Variants in AK8 observed in about 807,000 individuals in gnomAD.
AK8 encodes adenylate kinase 8.
Under a neutral mutation model 54.6 loss-of-function variants are expected in AK8, and 44 were observed. That is an observed-to-expected ratio of 0.81 (90% CI 0.63 to 1.04). The LOEUF is 1.04. Ranked by LOEUF, AK8 falls within the 50% of genes least tolerant of loss-of-function variation. The pLI is 0.00. For missense variants in AK8, 555 were observed against 613.6 expected (o/e 0.90, Z 1.01); for synonymous variants, 239 against 245.6 (o/e 0.97, Z 0.25).
At chr9:132,872,402 ACAGTAGAAAATGT>A (rs1843885956) in intron 2 of AK8, among the ~76,000 whole-genome samples, 1 of 152,254 alleles carries the variant, frequency 6.6e-6, no homozygotes, top group Non-Finnish European at 1.5e-5. Context: ...TTTCAAACTA[ACAGTAGAAAATGT>A]CAGTGCAACC....
chr9:132,864,775 G>A (rs1330327719), intron 3 of AK8, among the ~76,000 whole-genome samples: 1 of 152,198 alleles, frequency 6.6e-6, no homozygotes, highest in East Asian at 1.9e-4. Context: ...GCAGGTCTCT[G>A]CGTTCTGAAT....
At chr9:132,737,307 G>T (rs542833029) in intron 11 of AK8, among the ~76,000 whole-genome samples, 1 of 152,220 alleles carries the variant, frequency 6.6e-6, no homozygotes, top group East Asian at 1.9e-4. Flanking sequence ...TGAACCATAT[G>T]ACAGTATTAA....
intron 11 of AK8, among the ~76,000 whole-genome samples, chr9:132,747,782 A>G (rs543354423): frequency 2.7e-5 from 4 of 148,774 alleles, no homozygotes; most frequent in Non-Finnish European, 6.0e-5. Flanking sequence ...TTTTTTTACA[A>G]TGAGACTGTA....
intron 11 of AK8, among the ~76,000 whole-genome samples, chr9:132,779,720 T>A (rs890865779): frequency 3.3e-5 from 5 of 152,224 alleles, no homozygotes; most frequent in African/African-American, 9.7e-5. Context: ...ATTGTCCCAT[T>A]TAACAGATAA....
At chr9:132,739,669 G>A (rs535479221) in intron 11 of AK8, among the ~76,000 whole-genome samples, 1 of 152,228 alleles carries the variant, frequency 6.6e-6, no homozygotes, top group South Asian at 2.1e-4. Context: ...TGAGGCAGGA[G>A]GGCTTCTTGA....
At chr9:132,801,332 T>A (rs572585414) in intron 10 of AK8, among the ~76,000 whole-genome samples, 1 of 152,208 alleles carries the variant, frequency 6.6e-6, no homozygotes, top group African/African-American at 2.4e-5. Flanking sequence ...TAGTAAAACT[T>A]CTCTATTGGA....
At chr9:132,844,313 A>AAG (rs1266925781) in intron 5 of AK8, among the ~76,000 whole-genome samples, 17 of 151,382 alleles carry the variant, frequency 1.1e-4, no homozygotes, top group Non-Finnish European at 2.1e-4. Flanking sequence ...AAAAAAAAAA[A>AAG]AAAGAAAAAA....
rs1012518968 is a variant in AK8, at chr9:132,828,029, G to A, written c.540C>T (p.Ile180=). The change falls in exon 7 of 13, where the codon ATC becomes ATT. Residue 180 remains isoleucine (I), a synonymous_variant. Transcript: ENST00000298545. Reference sequence around the variant, plus strand: ...TAGCCATACCTCCAGTTTGAGGGTCGATTCTCTTCCCCAAGTTTCTCTCGA... The same window carrying A: ...TAGCCATACCTCCAGTTTGAGGGTCAATTCTCTTCCCCAAGTTTCTCTCGA... ...VLIERNLGKR[I]DPQTGEIYHT... is the part of the protein sequence containing the mutation. 8 of 1,567,392 alleles carry A rather than the reference G, an allele frequency of 5.1e-6. No individual in the cohort carries two copies. The highest frequency in any genetic ancestry group is 2.7e-5 in the African/African-American group (2 of 73,892).
intron 11 of AK8, among the ~76,000 whole-genome samples, chr9:132,749,863 C>T (rs1031878715): frequency 1.3e-5 from 2 of 151,486 alleles, no homozygotes; most frequent in Non-Finnish European, 2.9e-5. Context: ...AGAGAACAGA[C>T]GCTGCTGCAG....
Position 132,737,204 on chromosome 9 carries a change from G to A in AK8, c.1122-9670C>T, listed in dbSNP as rs138876892. Among the ~76,000 whole-genome samples, 10 of 152,202 alleles carry A rather than the reference G, an allele frequency of 6.6e-5. No individual in the cohort carries two copies. In the East Asian group the frequency reaches 1.9e-3, roughly 29 times the overall value. ...AGTAGACATTACAATGAAGGCAACT[G>A]GGGGAGAGAAGTTCTCTGACCTTGA... On this transcript the variant is annotated intron_variant, in intron 11 of 12. Coordinates refer to ENST00000298545, the MANE Select transcript of AK8 (RefSeq NM_152572.3).
At chr9:132,758,232 C>T (rs150605406) in intron 11 of AK8, among the ~76,000 whole-genome samples, 1 of 152,300 alleles carries the variant, frequency 6.6e-6, no homozygotes, top group East Asian at 1.9e-4. Context: ...AACAGTCACA[C>T]GAATACGCGG....
rs528764876 is a variant in AK8, at chr9:132,810,056, G to A, written c.979+4582C>T. 1.4e-4 allele frequency among the ~76,000 whole-genome samples: 21 copies of A among 152,300 alleles called. No homozygotes were observed. In the South Asian group the frequency reaches 1.9e-3, roughly 14 times the overall value. ...GCGAGCTGAGCGCTTTGGTTTTCTC[G>A]GCAGCTTCTCCACAGCCCACTAATG... On this transcript the variant is annotated intron_variant, in intron 10 of 12. Coordinates refer to ENST00000298545, the MANE Select transcript of AK8 (RefSeq NM_152572.3).
chr9:132,868,198 G>T (rs1045554833), intron 2 of AK8, among the ~76,000 whole-genome samples: 5 of 152,224 alleles, frequency 3.3e-5, no homozygotes, highest in Non-Finnish European at 7.3e-5. Flanking sequence ...AGAGGAGAGA[G>T]GTGCTGTATC....
intron 5 of AK8, among the ~76,000 whole-genome samples, chr9:132,849,308 C>T (rs1040176059): frequency 6.6e-5 from 10 of 152,130 alleles, no homozygotes; most frequent in South Asian, 2.1e-4. Context: ...AGCTACAGCC[C>T]GCGGGCCAAA....
chr9:132,739,318 T>C (rs1837257994), intron 11 of AK8, among the ~76,000 whole-genome samples: 1 of 151,424 alleles, frequency 6.6e-6, no homozygotes, highest in African/African-American at 2.4e-5. Context: ...GGCAGATGCC[T>C]GTAATCCCAG....
chr9:132,878,758 A>C, upstream of AK8: 1 of 985,136 alleles, frequency 1.0e-6, no homozygotes, highest in Non-Finnish European at 1.2e-6. This position sits in a 1 kb window ranked among gnomAD's most constrained non-coding sequence, Gnocchi z 4.7. Context: ...CCTCAGCCCA[A>C]CTCCTAGAGT....
At chr9:132,764,580 T>A (rs1456975544) in intron 11 of AK8, among the ~76,000 whole-genome samples, 1 of 152,056 alleles carries the variant, frequency 6.6e-6, no homozygotes. Flanking sequence ...ATGAATAAAT[T>A]CCTGGACACA....
intron 11 of AK8, among the ~76,000 whole-genome samples, chr9:132,782,494 A>C (rs976288969): frequency 5.3e-5 from 8 of 152,202 alleles, no homozygotes; most frequent in African/African-American, 9.6e-5. Context: ...GTTTGACACC[A>C]GCCTGACCAA....
At chr9:132,758,712 G>A (rs1053984369) in intron 11 of AK8, among the ~76,000 whole-genome samples, 1 of 151,910 alleles carries the variant, frequency 6.6e-6, no homozygotes, top group African/African-American at 2.4e-5. Flanking sequence ...GCCTGCCTCA[G>A]CTTCCCAAAG....
Sources: gnomAD v4.1 joint callset for allele counts (sites outside exome capture counted in the v4.1 genomes callset) on GRCh38, gnomAD v4.1.1 for gene constraint, Gnocchi (gnomAD v3.1) non-coding constraint, MANE v1.5 for transcripts, NCBI Gene and HGNC (gene_info 2026-07-23, HGNC 2026-07-21) for gene names.